LRRC40: variants seen among roughly 807,000 people sequenced by gnomAD.
LRRC40 encodes leucine rich repeat containing 40.
Under a neutral mutation model 72.8 loss-of-function variants are expected in LRRC40, and 76 were observed. That is an observed-to-expected ratio of 1.04 (90% CI 0.87 to 1.26). The LOEUF is 1.26. Ranked by LOEUF, LRRC40 falls within the 50% of genes most tolerant of loss-of-function variation. LRRC40 has a pLI of 0.00. For missense variants in LRRC40, 684 were observed against 698.9 expected (o/e 0.98, Z 0.24); for synonymous variants, 243 against 254.2 (o/e 0.96, Z 0.42).
At chr1:70,193,990 T>C (rs1668556458) in intron 1 of LRRC40, among the ~76,000 whole-genome samples, 1 of 152,062 alleles carries the variant, frequency 6.6e-6, no homozygotes, top group Non-Finnish European at 1.5e-5. Flanking sequence ...TACTTAATGG[T>C]GGAAGACGCA....
rs1558134062 is a variant in LRRC40, at chr1:70,205,492, T to G, written c.49A>C (p.Lys17Gln). 2 of 1,607,046 alleles carry G rather than the reference T, an allele frequency of 1.2e-6. No homozygotes were observed. Among genetic ancestry groups the G allele is most frequent in the Non-Finnish European group, 1.7e-6 (2 of 1,174,312 alleles). ...GTACCGCAGTCTCTTCCACCTGCTTTGAAACCAGCGCGGAGATCCTGCCCC... is the reference window on the plus strand; with the variant it reads ...GTACCGCAGTCTCTTCCACCTGCTTGGAAACCAGCGCGGAGATCCTGCCCC... ...IAGQDLRAGFKAGGRDCGTSV... is the reference protein window; with the variant it reads ...IAGQDLRAGFQAGGRDCGTSV... Residue 17 changes from lysine to glutamine, a missense_variant, in exon 1 of 15, where the codon AAA becomes CAA. Coordinates refer to ENST00000370952, the MANE Select transcript of LRRC40 (RefSeq NM_017768.5).
chr1:70,148,736 ATAT>A, intron 13 of LRRC40, 64 bp from the exon 14 acceptor site: 3 of 976,772 alleles, frequency 3.1e-6, no homozygotes, highest in East Asian at 2.5e-5. Flanking sequence ...TCCTTAAAAC[ATAT>A]TATCTTAAAT....
rs1050930795 is a variant in LRRC40 at position 70,148,533 on chromosome 1, C to T, written c.1657G>A (p.Asp553Asn). Residue 553 changes from aspartate (D) to asparagine (N), a missense_variant, in exon 14 of 15, where the codon GAC becomes AAC. Asp to Asn is a conservative substitution (Grantham distance 23, BLOSUM62 1). Transcript: ENST00000370952. Reference protein sequence around the residue: ...NLTTLDLQNNDLLQIPPELGN... With the variant: ...NLTTLDLQNNNLLQIPPELGN... ...AGCTCTGGTGGAATTTGTAAGAGGT[C>T]ATTATTTTGAAGGTCCAACGTGGTC... is the stretch of plus-strand genomic sequence containing the variant. 5.0e-6 allele frequency: 8 copies of T among 1,613,308 alleles called. No homozygotes were observed. The South Asian group carries it at 5.5e-5, about 11-fold the overall frequency.
intron 1 of LRRC40, among the ~76,000 whole-genome samples, chr1:70,190,252 A>G (rs1215830443): frequency 6.6e-6 from 1 of 152,176 alleles, no homozygotes; most frequent in Non-Finnish European, 1.5e-5. Flanking sequence ...CAAAACCATC[A>G]GAGACTAAAT....
At position 70,189,119 on chromosome 1, in the gene LRRC40, T is replaced by C; in HGVS notation, c.306A>G (p.Arg102=). 6 of 1,612,748 alleles carry C rather than the reference T, an allele frequency of 3.7e-6. No homozygotes were observed. Among genetic ancestry groups the C allele is most frequent in the Non-Finnish European group, 5.1e-6 (6 of 1,179,612 alleles). ...CAAGAACAGTCAGTGCAGGCAAGAG[T>C]CGCAGGTCATCTGTAAGTGACTGAA... The part of the protein sequence containing the change: ...NKLQSLTDDL[R]LLPALTVLDI... Residue 102 remains arginine (R), a synonymous_variant, in exon 2 of 15, where the codon CGA becomes CGG. Coordinates refer to ENST00000370952, the MANE Select transcript of LRRC40 (RefSeq NM_017768.5).
intron 2 of LRRC40, among the ~76,000 whole-genome samples, chr1:70,188,216 CT>C (rs1183084492): frequency 1.3e-5 from 2 of 152,086 alleles, no homozygotes; most frequent in African/African-American, 4.8e-5. Context: ...AATTGGAGGA[CT>C]TTTTATGTTG....
intron 9 of LRRC40, among the ~76,000 whole-genome samples, chr1:70,160,232 C>T (rs542333766): frequency 2.0e-5 from 3 of 152,158 alleles, no homozygotes; most frequent in East Asian, 1.9e-4. Flanking sequence ...GCAGAAGGCA[C>T]GCCAAAAGAA....
In LRRC40 at chr1:70,151,169, T is replaced by C. The variant is rs770461334; in HGVS notation, c.1476A>G (p.Glu492=). 2.5e-6 allele frequency: 4 copies of C among 1,590,422 alleles called. No homozygotes were observed. The highest frequency in any genetic ancestry group is 1.1e-5 in the South Asian group (1 of 89,822). Residue 492 remains glutamate, a synonymous_variant, in exon 13 of 15, where the codon GAA becomes GAG. Transcript: ENST00000370952. ...NFLNSLPEEM[E]SLVRLQTINL... Reference sequence around the variant, plus strand: ...TGATCGTTTGCAGTCTTACCAGTGATTCCATTTCTTCTGGCAAAGAATTTA... The same window carrying C: ...TGATCGTTTGCAGTCTTACCAGTGACTCCATTTCTTCTGGCAAAGAATTTA...
In LRRC40 at chr1:70,145,737, A is replaced by G. The variant is rs1346683564; in HGVS notation, c.*63T>C. ...TTAAGATGATACTAAAACAAATGTT[A>G]CATCCTCCTTAGAATTAACCAGGGT... On this transcript the variant is annotated 3_prime_UTR_variant, in exon 15 of 15. Coordinates refer to ENST00000370952, the MANE Select transcript of LRRC40 (RefSeq NM_017768.5). The G allele has an allele frequency of 1.2e-6, 1 of 816,832 alleles. No individual in the cohort carries two copies. The highest frequency in any genetic ancestry group is 2.0e-6 in the Non-Finnish European group (1 of 495,532). 50.6% of individuals were successfully genotyped at this position (816,832 alleles called of 1,614,324 possible).
intron 14 of LRRC40, among the ~76,000 whole-genome samples, 191 bp from the exon 15 acceptor site, chr1:70,146,096 C>T (rs1383412661): frequency 6.6e-6 from 1 of 152,038 alleles, no homozygotes; most frequent in Non-Finnish European, 1.5e-5. Context: ...GCAATCTCAG[C>T]TTATTGCAAC....
intron 12 of LRRC40, chr1:70,151,887 A>G (rs1004113814): frequency 3.9e-5 from 6 of 152,180 alleles, no homozygotes; most frequent in African/African-American, 1.4e-4. Flanking sequence ...AATACCTGTG[A>G]GAAAATTATT....
At chr1:70,188,049 T>C (rs192444926) in intron 2 of LRRC40, among the ~76,000 whole-genome samples, 1 of 152,306 alleles carries the variant, frequency 6.6e-6, no homozygotes, top group East Asian at 1.9e-4. Context: ...ACAAAAATTA[T>C]ATGAGAAAAG....
intron 1 of LRRC40, among the ~76,000 whole-genome samples, chr1:70,200,439 C>G (rs1373079952): frequency 6.6e-6 from 1 of 151,182 alleles, no homozygotes; most frequent in Non-Finnish European, 1.5e-5. Flanking sequence ...CTAGCCCGGT[C>G]AACAGAATGA....
chr1:70,184,990 A>G (rs1189352445), intron 3 of LRRC40, 76 bp from the exon 4 acceptor site: 2 of 1,239,684 alleles, frequency 1.6e-6, no homozygotes, highest in East Asian at 2.4e-5. Context: ...TTTCTTGCTA[A>G]CCAATGACAC....
Position 70,159,309 on chromosome 1 carries a change from AAAT to A in LRRC40, c.1220+18_1220+20del. On this transcript the variant is annotated intron_variant, in intron 10 of 14. Transcript: ENST00000370952. ...TAAGACCCTATCTCTATAAAAATAA[AAAT>A]AATAATAAATTACATACCTATAGTC... 8.8e-7 allele frequency: 1 copy of A among 1,138,068 alleles called. No individual in the cohort carries two copies. Among genetic ancestry groups the A allele is most frequent in the Non-Finnish European group, 1.3e-6 (1 of 794,892 alleles). 70.5% of individuals were successfully genotyped at this position (1,138,068 alleles called of 1,614,324 possible).
chr1:70,180,072 A>G (rs1369419028), intron 5 of LRRC40: 1 of 152,132 alleles, frequency 6.6e-6, no homozygotes, highest in African/African-American at 2.4e-5. Flanking sequence ...AAAAAGGCTA[A>G]CCATCAACCA....
At chr1:70,174,408 G>A (rs138061567) in intron 7 of LRRC40, among the ~76,000 whole-genome samples, 85 of 152,038 alleles carry the variant, frequency 5.6e-4, no homozygotes, top group Admixed American at 2.5e-3. Context: ...TAAACATATG[G>A]TCACTATACA....
Position 70,201,558 on chromosome 1 carries a change from A to G in LRRC40, c.151+3832T>C, listed in dbSNP as rs149966398. Among the ~76,000 whole-genome samples the G allele has an allele frequency of 4.5e-3, 686 of 152,352 alleles. 6 individuals carry two copies. The highest frequency in any genetic ancestry group is 0.016 in the African/African-American group (673 of 41,586). ...AACAACAAGGAAACGAGCCCAATGA[A>G]AAAACGTGCAAAAGTTCTTAATAGA... On this transcript the variant is annotated intron_variant, in intron 1 of 14. Coordinates refer to ENST00000370952, the MANE Select transcript of LRRC40 (RefSeq NM_017768.5).
At chr1:70,173,036 C>A (rs921876796) in intron 9 of LRRC40, among the ~76,000 whole-genome samples, 7 of 151,874 alleles carry the variant, frequency 4.6e-5, no homozygotes, top group Admixed American at 1.3e-4. Context: ...AATTAACATA[C>A]CCTGAAAAGT....
Sources: allele counts gnomAD v4.1 joint callset (sites outside exome capture counted in the v4.1 genomes callset), GRCh38; gene constraint gnomAD v4.1.1; transcripts MANE v1.5; gene names NCBI Gene and HGNC (gene_info 2026-07-23, HGNC 2026-07-21).